Variants in CDC42BPG observed in about 807,000 individuals in gnomAD.
The protein encoded by CDC42BPG is CDC42 binding protein kinase gamma.
In CDC42BPG, 157 loss-of-function variants were observed where a neutral mutation model predicts 192.2. The observed-to-expected ratio is 0.82, with a 90% CI of 0.72 to 0.93. The LOEUF (loss-of-function observed/expected upper bound fraction) is 0.93, where lower values mean the gene tolerates loss of function less well. CDC42BPG is among the 40% of genes least tolerant of loss of function. The pLI is 0.00. For synonymous variants in CDC42BPG, 981 were observed against 918.5 expected (o/e 1.07, Z -1.23); for missense variants, 1,992 against 2,122.1 (o/e 0.94, Z 1.20).
Position 64,836,705 on chromosome 11 carries a change from CTGGGGGGGGGGG to C in CDC42BPG, c.1384+22_1384+33del, listed in dbSNP as rs1041993451. 61 of 353,516 alleles carry C rather than the reference CTGGGGGGGGGGG, an allele frequency of 1.7e-4. 12 individuals carry two copies. The highest frequency in any genetic ancestry group is 2.5e-4 in the Non-Finnish European group (61 of 240,206). 21.9% of individuals were successfully genotyped at this position (353,516 alleles called of 1,614,324 possible). ...ACCCGAGCCCAGGTGGGACTCAGCC[CTGGGGGGGGGGG>C]GGGGGTGGGCGGAAGGGATACCTGG... On this transcript the variant is annotated intron_variant, in intron 11 of 36. Transcript: ENST00000342711.
intron 28 of CDC42BPG, among the ~76,000 whole-genome samples, chr11:64,830,866 C>G (rs928775063): frequency 6.6e-6 from 1 of 152,248 alleles, no homozygotes; most frequent in Non-Finnish European, 1.5e-5. Context: ...GCAGCTCCCC[C>G]AGTCCCCCAG....
At chr11:64,838,492 G>A (rs1592717592) in intron 8 of CDC42BPG, among the ~76,000 whole-genome samples, 162 bp downstream of exon 8, 1 of 152,180 alleles carries the variant, frequency 6.6e-6, no homozygotes, top group South Asian at 2.1e-4. Context: ...CTGGGCCAGC[G>A]GATGGTGGCT....
At chr11:64,825,863 C>T (rs981801464) in intron 36 of CDC42BPG, among the ~76,000 whole-genome samples, 3 of 152,120 alleles carry the variant, frequency 2.0e-5, no homozygotes, top group Middle Eastern at 3.4e-3. Context: ...GTCAGGAGTT[C>T]GAGACCAGCC....
At chr11:64,826,921 T>G (rs647145) in intron 34 of CDC42BPG, 127 bp from the exon 35 acceptor site, 174,998 of 1,207,412 alleles carry the variant, frequency 0.14, 19,023 homozygotes, top group East Asian at 0.38. Context: ...AAGTCCCAGG[T>G]AGCAGAAGTG....
At chr11:64,834,777 G>A (rs1942892721) in intron 18 of CDC42BPG, 72 bp downstream of exon 18, 4 of 1,447,212 alleles carry the variant, frequency 2.8e-6, no homozygotes, top group Non-Finnish European at 3.8e-6. Flanking sequence ...ACCTTCAGTA[G>A]CAGGGATGCT....
At chr11:64,841,593 C>T in intron 3 of CDC42BPG, 57 bp downstream of exon 3, 1 of 1,421,536 alleles carries the variant, frequency 7.0e-7, no homozygotes, top group Middle Eastern at 2.1e-4. Context: ...TGGCAGCATA[C>T]ACCTCCCCCA....
In CDC42BPG at chr11:64,835,326, CG is replaced by C. The variant is rs1565685957; in HGVS notation, c.1953+20del. The stretch of plus-strand genomic sequence containing the variant: ...TGCCTTGTCCGTCTGTTGTACCCTC[CG>C]TCTGTTGTACCCTGCTCACCCGCTC... On this transcript the variant is annotated intron_variant, in intron 16 of 36. Transcript: ENST00000342711. 6.2e-7 allele frequency: 1 copy of C among 1,613,180 alleles called. No homozygotes were observed. The highest frequency in any genetic ancestry group is 8.5e-7 in the Non-Finnish European group (1 of 1,179,332).
intron 7 of CDC42BPG, 57 bp downstream of exon 7, chr11:64,838,974 CCA>C: frequency 6.2e-7 from 1 of 1,611,626 alleles, no homozygotes; most frequent in South Asian, 1.1e-5. Flanking sequence ...GTACTTCCAA[CCA>C]CACAGACTCA....
At position 64,832,706 on chromosome 11, in the gene CDC42BPG, C is replaced by T. The variant is rs778407688; in HGVS notation, c.2903G>A (p.Arg968His). Residue 968 changes from arginine to histidine, a missense_variant, in exon 26 of 37, where the codon CGC becomes CAC. This residue lies in a region of CDC42BPG where 1,656 missense variants were observed against 1,844.3 expected (regional missense o/e 0.90). Coordinates refer to ENST00000342711, the MANE Select transcript of CDC42BPG (RefSeq NM_017525.3). ...TGAGTCACTCAGGGCAGCAAACACG[C>T]GCTGCCAGCCCCGCCGGACACCTGA... is the stretch of plus-strand genomic sequence containing the variant. ...RPSGVRRGWQ[R>H]VFAALSDSRL... 11 of 1,611,628 alleles carry T rather than the reference C, an allele frequency of 6.8e-6. No homozygotes were observed. The highest frequency in any genetic ancestry group is 8.5e-6 in the Non-Finnish European group (10 of 1,178,984).
intron 14 of CDC42BPG, 64 bp from the exon 15 acceptor site, chr11:64,835,685 C>G: frequency 1.9e-6 from 3 of 1,595,438 alleles, no homozygotes; most frequent in Non-Finnish European, 2.6e-6. Context: ...ACCTGGGACA[C>G]AGGCCTGGCC....
rs1255017771 is a variant in CDC42BPG at position 64,841,895 on chromosome 11, A to C, written c.170T>G (p.Phe57Cys). The change falls in exon 2 of 37, where the codon TTC becomes TGC. Residue 57 changes from phenylalanine to cysteine, a missense_variant. Phe to Cys is a radical substitution (Grantham distance 205, BLOSUM62 -2). Coordinates refer to ENST00000342711, the MANE Select transcript of CDC42BPG (RefSeq NM_017525.3). ...VAQFLSWASP[F>C]VSKVKELRLQ... ...ACGCAGTTCTTTCACCTTTGATACG[A>C]AGGGGCTGGCTGAGGGGACACAGGG... 16 of 1,606,830 alleles carry C rather than the reference A, an allele frequency of 1.0e-5. No homozygotes were observed. Among genetic ancestry groups the C allele is most frequent in the Non-Finnish European group, 1.3e-5 (15 of 1,176,752 alleles).
intron 14 of CDC42BPG, 62 bp from the exon 15 acceptor site, chr11:64,835,683 C>T: frequency 6.3e-7 from 1 of 1,595,000 alleles, no homozygotes; most frequent in Non-Finnish European, 8.6e-7. Context: ...CCACCTGGGA[C>T]ACAGGCCTGG....
rs1186766718 is a variant in CDC42BPG at position 64,838,507 on chromosome 11, C to A, written c.1125+147G>T. ...CTGGGCCAGCGGATGGTGGCTGGAA[C>A]GGGTCAGTCTGGGAGTCCATAAATC... On this transcript the variant is annotated intron_variant, in intron 8 of 36. Transcript: ENST00000342711. The A allele has an allele frequency of 4.4e-6, 5 of 1,131,524 alleles. No homozygotes were observed. In the African/African-American group the frequency reaches 6.2e-5, roughly 14 times the overall value. The allele number at this position is 1,131,524 out of a possible 1,614,324, so 70.1% of individuals were successfully genotyped here.
At chr11:64,832,057 G>A (rs915143420) in intron 27 of CDC42BPG, among the ~76,000 whole-genome samples, 10 of 152,234 alleles carry the variant, frequency 6.6e-5, no homozygotes, top group African/African-American at 1.7e-4. Flanking sequence ...GTGCAGGGCC[G>A]GCAATTTCGT....
intron 14 of CDC42BPG, 68 bp from the exon 15 acceptor site, chr11:64,835,689 C>A (rs767212884): frequency 6.2e-7 from 1 of 1,600,846 alleles, no homozygotes; most frequent in Non-Finnish European, 8.5e-7. Flanking sequence ...GGGACACAGG[C>A]CTGGCCCTGA....
At chr11:64,843,236 T>C (rs567295555) in intron 1 of CDC42BPG, among the ~76,000 whole-genome samples, 2 of 151,684 alleles carry the variant, frequency 1.3e-5, no homozygotes, top group South Asian at 2.1e-4. Flanking sequence ...CCTTGGGAGA[T>C]TGTCAACAGA....
intron 6 of CDC42BPG, 66 bp from the exon 7 acceptor site, chr11:64,839,299 C>A: frequency 1.3e-6 from 2 of 1,584,012 alleles, no homozygotes; most frequent in South Asian, 2.2e-5. Context: ...TGGCTCCTCG[C>A]GATGGCCCTG....
intron 9 of CDC42BPG, among the ~76,000 whole-genome samples, chr11:64,837,872 G>A (rs777529188): frequency 5.9e-5 from 9 of 152,314 alleles, no homozygotes; most frequent in Middle Eastern, 3.4e-3. Context: ...CGTGGAAGGC[G>A]CCATGAGAGC....
intron 17 of CDC42BPG, 29 bp downstream of exon 17, chr11:64,835,018 C>CG: frequency 1.4e-6 from 1 of 703,614 alleles, no homozygotes; most frequent in Non-Finnish European, 2.4e-6. Context: ...CGCCTGCGTT[C>CG]CCCACCCCGA....
Sources: gnomAD v4.1 joint callset for allele counts (sites outside exome capture counted in the v4.1 genomes callset) on GRCh38, gnomAD v4.1.1 for gene constraint, gnomAD v4.1.1 regional missense constraint, MANE v1.5 for transcripts, NCBI Gene and HGNC (gene_info 2026-07-23, HGNC 2026-07-21) for gene names.